The following ARHGAP31 variants were observed in gnomAD, a reference collection of about 807,000 sequenced individuals.
ARHGAP31 encodes the protein rho GTPase-activating protein 31.
ARHGAP31 carries 34 observed loss-of-function variants against 113.9 expected under a neutral mutation model. The ratio of observed to expected loss-of-function variants is 0.30; its 90% confidence interval spans 0.23 to 0.40. The LOEUF is 0.40. ARHGAP31 is among the 10% of genes least tolerant of loss of function. ARHGAP31 has a pLI of 1.00. For synonymous variants in ARHGAP31, 650 were observed against 684.8 expected (o/e 0.95, Z 0.79); for missense variants, 1,548 against 1,767.1 (o/e 0.88, Z 2.22).
chr3:119,379,143 C>T (rs1388910272), intron 3 of ARHGAP31, among the ~76,000 whole-genome samples: 1 of 152,276 alleles, frequency 6.6e-6, no homozygotes, highest in Non-Finnish European at 1.5e-5. Context: ...TGCTGTCTCA[C>T]ACCTACTGTG....
chr3:119,410,813 T>C (rs898770252), intron 11 of ARHGAP31, among the ~76,000 whole-genome samples: 1 of 152,220 alleles, frequency 6.6e-6, no homozygotes, highest in Non-Finnish European at 1.5e-5. Flanking sequence ...GCTTTAACCA[T>C]CCCTGCCTTC....
intron 1 of ARHGAP31, among the ~76,000 whole-genome samples, chr3:119,310,300 C>A (rs2079668110): frequency 6.6e-6 from 1 of 152,354 alleles, no homozygotes; most frequent in Non-Finnish European, 1.5e-5. Context: ...GATGACACAA[C>A]AACATTCTGT....
chr3:119,380,719 A>G (rs1361798618), intron 3 of ARHGAP31, among the ~76,000 whole-genome samples, 185 bp from the exon 4 acceptor site: 1 of 152,146 alleles, frequency 6.6e-6, no homozygotes, highest in Admixed American at 6.5e-5. Context: ...CCCTGCACAC[A>G]CATCCAGAAC....
At chr3:119,312,640 A>G (rs530782756) in intron 1 of ARHGAP31, among the ~76,000 whole-genome samples, 2 of 152,228 alleles carry the variant, frequency 1.3e-5, no homozygotes, top group East Asian at 1.9e-4. Context: ...CAACAACAAC[A>G]ATGTGATTTA....
intron 1 of ARHGAP31, among the ~76,000 whole-genome samples, chr3:119,335,056 A>G (rs908166968): frequency 6.6e-6 from 1 of 151,288 alleles, no homozygotes; most frequent in African/African-American, 2.4e-5. Context: ...TTGATTGCTC[A>G]GAATTTGAAA....
intron 1 of ARHGAP31, among the ~76,000 whole-genome samples, chr3:119,302,581 T>A (rs1365557195): frequency 6.6e-6 from 1 of 152,236 alleles, no homozygotes; most frequent in African/African-American, 2.4e-5. Flanking sequence ...TGCCAGTCAC[T>A]TTATACATGC....
In ARHGAP31 at chr3:119,294,563, C is replaced by T; in HGVS notation, c.-342C>T. The T allele has an allele frequency of 2.0e-6, 1 of 504,694 alleles. No homozygotes were observed. Among genetic ancestry groups the T allele is most frequent in the South Asian group, 3.6e-5 (1 of 27,628 alleles). The allele number at this position is 504,694 out of a possible 1,614,324, so 31.3% of individuals were successfully genotyped here. On this transcript the variant is annotated 5_prime_UTR_variant, in exon 1 of 12. Coordinates refer to ENST00000264245, the MANE Select transcript of ARHGAP31 (RefSeq NM_020754.4). ...AAGGGGTGGGGAGAGCTTGCCCTCC[C>T]TCTTAAGCTGAGGAGAAACACCCGA... is the stretch of plus-strand genomic sequence containing the variant.
chr3:119,303,789 G>C (rs112869065), intron 1 of ARHGAP31, among the ~76,000 whole-genome samples: 3 of 145,650 alleles, frequency 2.1e-5, no homozygotes, highest in Non-Finnish European at 4.5e-5. Flanking sequence ...CATGTTTTTT[G>C]TTGTTGTTGT....
chr3:119,359,992 T>C (rs1281853053), intron 1 of ARHGAP31, among the ~76,000 whole-genome samples: 2 of 152,222 alleles, frequency 1.3e-5, no homozygotes, highest in African/African-American at 4.8e-5. Context: ...CCGGCAGCTC[T>C]TGGTCCTTTT....
intron 1 of ARHGAP31, among the ~76,000 whole-genome samples, chr3:119,297,947 G>A (rs915918050): frequency 7.8e-6 from 1 of 128,584 alleles, no homozygotes; most frequent in African/African-American, 3.2e-5. Flanking sequence ...CACACACACC[G>A]TGTATGCAAT....
intron 1 of ARHGAP31, among the ~76,000 whole-genome samples, chr3:119,317,018 TG>T (rs2107600194): frequency 6.6e-6 from 1 of 152,342 alleles, no homozygotes; most frequent in East Asian, 1.9e-4. Flanking sequence ...AGCTTTCCTC[TG>T]GGCAGTCCAG....
chr3:119,393,963 T>C (rs1228778798), intron 8 of ARHGAP31, among the ~76,000 whole-genome samples: 1 of 152,236 alleles, frequency 6.6e-6, no homozygotes, highest in Non-Finnish European at 1.5e-5. Flanking sequence ...ACGCTACATT[T>C]GGTTGTCATG....
intron 10 of ARHGAP31, among the ~76,000 whole-genome samples, chr3:119,404,350 C>G (rs1266122900): frequency 6.6e-6 from 1 of 152,154 alleles, no homozygotes; most frequent in African/African-American, 2.4e-5. Flanking sequence ...AATGGAGACT[C>G]CAGCCTGCCT....
chr3:119,305,101 C>T (rs537345210), intron 1 of ARHGAP31, among the ~76,000 whole-genome samples: 33 of 152,232 alleles, frequency 2.2e-4, no homozygotes, highest in African/African-American at 7.9e-4. Context: ...TAACTTGCCT[C>T]CTGTCACCCA....
intron 6 of ARHGAP31, among the ~76,000 whole-genome samples, chr3:119,387,099 G>A (rs570497331): frequency 4.1e-5 from 6 of 144,972 alleles, no homozygotes; most frequent in Non-Finnish European, 9.1e-5. Context: ...AAACTCCCCC[G>A]GGGAAAGGGA....
At chr3:119,318,607 T>A (rs539331630) in intron 1 of ARHGAP31, among the ~76,000 whole-genome samples, 1 of 152,346 alleles carries the variant, frequency 6.6e-6, no homozygotes, top group South Asian at 2.1e-4. Context: ...AAGGAACAGT[T>A]CTCTCTTTTC....
chr3:119,401,639 CAT>C (rs2080608174), intron 9 of ARHGAP31, among the ~76,000 whole-genome samples, 181 bp from the exon 10 acceptor site: 1 of 152,168 alleles, frequency 6.6e-6, no homozygotes, highest in Non-Finnish European at 1.5e-5. Context: ...AAATTCTGTG[CAT>C]ATGAGGAAGT....
Position 119,399,191 on chromosome 3 carries a change from G to C in ARHGAP31, c.1007-8G>C, listed in dbSNP as rs1310449047. 3.1e-6 allele frequency: 5 copies of C among 1,612,310 alleles called. No individual in the cohort carries two copies. In the African/African-American group the frequency reaches 6.7e-5, roughly 22 times the overall value. On this transcript the variant is annotated splice_region_variant and splice_polypyrimidine_tract_variant and intron_variant, in intron 8 of 11. Coordinates refer to ENST00000264245, the MANE Select transcript of ARHGAP31 (RefSeq NM_020754.4). ...ATTCATCAAGGATATTTTTTCTTTT[G>C]TCTTTAGTGGAAAAGGCTACTATCC...
At chr3:119,306,632 G>A (rs1315779673) in intron 1 of ARHGAP31, among the ~76,000 whole-genome samples, 1 of 152,178 alleles carries the variant, frequency 6.6e-6, no homozygotes, top group African/African-American at 2.4e-5. Context: ...TGATTCTACC[G>A]AATGGGTTCC....
Sources: gnomAD v4.1 joint callset for allele counts (sites outside exome capture counted in the v4.1 genomes callset) on GRCh38, gnomAD v4.1.1 for gene constraint, MANE v1.5 for transcripts, NCBI Gene and HGNC (gene_info 2026-07-23, HGNC 2026-07-21) for gene names.